Variants in CBFA2T3 observed in about 807,000 individuals in gnomAD.
CBFA2T3 encodes CBFA2/RUNX1 partner transcriptional co-repressor 3.
CBFA2T3 carries 31 observed loss-of-function variants against 58.6 expected under a neutral mutation model. That is an observed-to-expected ratio of 0.53 (90% CI 0.40 to 0.71). CBFA2T3 has a LOEUF of 0.71. Ranked by LOEUF, CBFA2T3 falls within the 30% of genes least tolerant of loss-of-function variation. The pLI is 0.00. For missense variants in CBFA2T3, 1,076 were observed against 963.1 expected (o/e 1.12, Z -1.55); for synonymous variants, 531 against 421.9 (o/e 1.26, Z -3.17).
chr16:88,959,072 C>T (rs1029485944), intron 1 of CBFA2T3, among the ~76,000 whole-genome samples: 1 of 152,154 alleles, frequency 6.6e-6, no homozygotes, highest in Non-Finnish European at 1.5e-5. Context: ...GAGAGGAAGC[C>T]CCATCCTCGC....
At chr16:88,948,358 G>A (rs1464650101) in intron 1 of CBFA2T3, among the ~76,000 whole-genome samples, 1 of 152,256 alleles carries the variant, frequency 6.6e-6, no homozygotes, top group African/African-American at 2.4e-5. Context: ...GCAGAGAGAC[G>A]TTGGTCTTTC....
chr16:88,920,589 A>C (rs1002586973), intron 1 of CBFA2T3, among the ~76,000 whole-genome samples: 1 of 152,136 alleles, frequency 6.6e-6, no homozygotes, highest in Admixed American at 6.5e-5. Context: ...CTGGCCAGGA[A>C]TATTTCATCT....
At chr16:88,910,936 G>A (rs1455958539) in intron 1 of CBFA2T3, among the ~76,000 whole-genome samples, 1 of 151,300 alleles carries the variant, frequency 6.6e-6, no homozygotes, top group African/African-American at 2.5e-5. Flanking sequence ...TCTGGGGTGG[G>A]CAGAGGCGGC....
chr16:88,877,994 C>T lies in CBFA2T3; in HGVS notation c.1663-719G>A, dbSNP rs1775654042. On this transcript the variant is annotated intron_variant, in intron 11 of 11. Transcript: ENST00000268679. The stretch of plus-strand genomic sequence containing the variant: ...TGGTACCACCTCCCACCCCACCTCG[C>T]CCTCACTGCCACTGCAGCAGCAGCT... 2.0e-5 allele frequency among the ~76,000 whole-genome samples: 3 copies of T among 152,216 alleles called. 1 individual carries two copies. The highest frequency in any genetic ancestry group is 3.9e-4 in the East Asian group (2 of 5,184).
At chr16:88,939,740 G>C (rs1029724690) in intron 1 of CBFA2T3, 1 of 152,274 alleles carries the variant, frequency 6.6e-6, no homozygotes, top group Non-Finnish European at 1.5e-5. Flanking sequence ...ACGGAAGAAC[G>C]TGCCCAGGAA....
chr16:88,935,030 G>A (rs937095241), intron 1 of CBFA2T3, among the ~76,000 whole-genome samples: 3 of 152,046 alleles, frequency 2.0e-5, no homozygotes, highest in South Asian at 2.1e-4. Flanking sequence ...GTAAGCCACC[G>A]TGCCTGGCCA....
chr16:88,966,865 C>A (rs1201620700), intron 1 of CBFA2T3, among the ~76,000 whole-genome samples: 1 of 152,168 alleles, frequency 6.6e-6, no homozygotes, highest in East Asian at 1.9e-4. Flanking sequence ...GCGCTCATTT[C>A]CCCCAGGAAG....
At chr16:88,954,425 GCTC>G (rs2142848366) in intron 1 of CBFA2T3, among the ~76,000 whole-genome samples, 10 of 136,988 alleles carry the variant, frequency 7.3e-5, no homozygotes, top group South Asian at 2.3e-4. Context: ...CCCACCCAAG[GCTC>G]CTGACCCCAT....
chr16:88,972,006 G>A (rs941990630), intron 1 of CBFA2T3, among the ~76,000 whole-genome samples: 2 of 152,206 alleles, frequency 1.3e-5, no homozygotes, highest in South Asian at 2.1e-4. Flanking sequence ...CGCCCCCATG[G>A]GGCCACTTCC....
chr16:88,932,290 C>T (rs978549547), intron 1 of CBFA2T3, among the ~76,000 whole-genome samples: 2 of 150,322 alleles, frequency 1.3e-5, no homozygotes, highest in African/African-American at 4.9e-5. Context: ...ACAGGCAGAG[C>T]ACACACTTCC....
At chr16:88,886,426 G>T (rs1397358907) in intron 5 of CBFA2T3, 1 of 338,938 alleles carries the variant, frequency 3.0e-6, no homozygotes, top group Non-Finnish European at 5.4e-6. Context: ...CCCAGGGTGG[G>T]GCTTTCCCAC....
In CBFA2T3 at chr16:88,933,894, G is replaced by A. The variant is rs142582070; in HGVS notation, c.152-32238C>T. ...CGCAAGCACAAGACCGGCACGAGGA[G>A]GACAGAGGCGAGACCCCAGTGAGCC... On this transcript the variant is annotated intron_variant, in intron 1 of 11. Coordinates refer to ENST00000268679, the MANE Select transcript of CBFA2T3 (RefSeq NM_005187.6). Among the ~76,000 whole-genome samples the A allele has an allele frequency of 1.5e-3, 221 of 152,184 alleles. 5 individuals are homozygous for A. The highest frequency in any genetic ancestry group is 2.0e-3 in the Non-Finnish European group (139 of 67,996).
intron 1 of CBFA2T3, among the ~76,000 whole-genome samples, chr16:88,909,941 A>C (rs1970475186): frequency 6.6e-6 from 1 of 152,190 alleles, no homozygotes; most frequent in Non-Finnish European, 1.5e-5. Context: ...GGGGAACCAG[A>C]GGGACGAGCC....
intron 3 of CBFA2T3, among the ~76,000 whole-genome samples, chr16:88,896,723 G>C (rs1969900554): frequency 6.6e-6 from 1 of 152,194 alleles, no homozygotes; most frequent in Non-Finnish European, 1.5e-5. Flanking sequence ...CTGTCGTCAG[G>C]ACTGTGGACC....
At chr16:88,890,476 G>A (rs1969586137) in intron 5 of CBFA2T3, among the ~76,000 whole-genome samples, 1 of 152,208 alleles carries the variant, frequency 6.6e-6, no homozygotes, top group South Asian at 2.1e-4. Context: ...TGGCCAGGCT[G>A]GCAGCTCCCA....
chr16:88,960,762 T>G lies in CBFA2T3; in HGVS notation c.151+15895A>C, dbSNP rs59751242. ...CCACCCGCCTCTGGGTTTGGTCATG[T>G]AGAAACAAACCTTGTTTACACCCCC... On this transcript the variant is annotated intron_variant, in intron 1 of 11. Coordinates refer to ENST00000268679, the MANE Select transcript of CBFA2T3 (RefSeq NM_005187.6). Among the ~76,000 whole-genome samples the G allele has an allele frequency of 5.8e-3, 891 of 152,362 alleles. 14 individuals carry two copies. Among genetic ancestry groups the G allele is most frequent in the African/African-American group, 0.021 (871 of 41,586 alleles).
At chr16:88,949,266 A>C (rs1284660247) in intron 1 of CBFA2T3, among the ~76,000 whole-genome samples, 1 of 152,198 alleles carries the variant, frequency 6.6e-6, no homozygotes, top group African/African-American at 2.4e-5. Flanking sequence ...CCGATAAGAG[A>C]TGGGTTGGGA....
At chr16:88,889,527 A>G (rs11642000) in intron 5 of CBFA2T3, among the ~76,000 whole-genome samples, 50,621 of 151,642 alleles carry the variant, frequency 0.33, 10,813 homozygotes, top group African/African-American at 0.6. Context: ...GGCGTTTGGA[A>G]TTTGACAGAC....
At chr16:88,922,420 G>A (rs1970951291) in intron 1 of CBFA2T3, among the ~76,000 whole-genome samples, 1 of 152,252 alleles carries the variant, frequency 6.6e-6, no homozygotes, top group African/African-American at 2.4e-5. Context: ...CACCATGTCT[G>A]CCCCGGGCAC....
Sources: allele counts gnomAD v4.1 joint callset (sites outside exome capture counted in the v4.1 genomes callset), GRCh38; gene constraint gnomAD v4.1.1; transcripts MANE v1.5; gene names NCBI Gene and HGNC (gene_info 2026-07-23, HGNC 2026-07-21).